TTC27: variants seen among roughly 807,000 people sequenced by gnomAD.
The protein encoded by TTC27 is tetratricopeptide repeat domain 27, also known as tetratricopeptide repeat protein 27.
TTC27 carries 79 observed loss-of-function variants against 115.9 expected under a neutral mutation model. The ratio of observed to expected loss-of-function variants is 0.68; its 90% CI spans 0.57 to 0.82. The LOEUF is 0.82. TTC27 is among the 40% of genes least tolerant of loss of function. The probability of loss-of-function intolerance (pLI) is 0.00; values close to 1 mark genes in which losing one functional copy is unlikely to be tolerated. For missense variants in TTC27, 1,054 were observed against 993.1 expected (o/e 1.06, Z -0.82); for synonymous variants, 401 against 356.0 (o/e 1.13, Z -1.42).
At chr2:32,723,401 C>G (rs1288978577) in intron 10 of TTC27, among the ~76,000 whole-genome samples, 2 of 152,066 alleles carry the variant, frequency 1.3e-5, no homozygotes, top group Non-Finnish European at 2.9e-5. Flanking sequence ...TGATTATGGG[C>G]ATGTTTGGGA....
rs1670052026 is a variant in TTC27 at position 32,777,931 on chromosome 2, A to G, written c.1730A>G (p.Tyr577Cys). The stretch of plus-strand genomic sequence containing the variant: ...TGTGCCTATTTGGCCTTGGAAGACT[A>G]TCAAGGTTCAGCAAAGGCATTTCAG... The part of the protein sequence containing the change: ...LGCAYLALED[Y>C]QGSAKAFQRC... Residue 577 changes from tyrosine (Y) to cysteine (C), a missense_variant, in exon 14 of 20, where the codon TAT becomes TGT. Coordinates refer to ENST00000317907, the MANE Select transcript of TTC27 (RefSeq NM_017735.5). 1.2e-6 allele frequency: 2 copies of G among 1,613,974 alleles called. No individual in the cohort carries two copies. Among genetic ancestry groups the G allele is most frequent in the South Asian group, 1.1e-5 (1 of 91,074 alleles).
intron 10 of TTC27, among the ~76,000 whole-genome samples, chr2:32,708,304 G>GGTTTTTTTTTTTTTTTTTT (rs1667450037): frequency 1.6e-5 from 1 of 61,348 alleles, no homozygotes; most frequent in Non-Finnish European, 3.1e-5. Context: ...TCTCTACCTT[G>GGTTTTTTTTTTTTTTTTTT]TTTTTTTTTT....
At chr2:32,680,564 C>G (rs929160222) in intron 9 of TTC27, among the ~76,000 whole-genome samples, 5 of 151,776 alleles carry the variant, frequency 3.3e-5, no homozygotes. Flanking sequence ...GAACATAGAT[C>G]TGTGTGAAAT....
At chr2:32,688,534 G>A (rs1269779554) in intron 9 of TTC27, among the ~76,000 whole-genome samples, 1 of 152,056 alleles carries the variant, frequency 6.6e-6, no homozygotes, top group East Asian at 1.9e-4. Flanking sequence ...TCTCACAAAA[G>A]ACTTTTACTT....
rs370857601 is a variant in TTC27 at position 32,785,689 on chromosome 2, G to A, written c.1833-1295G>A. Among the ~76,000 whole-genome samples the A allele has an allele frequency of 1.1e-3, 162 of 151,912 alleles. 1 individual carries two copies. Among genetic ancestry groups the A allele is most frequent in the African/African-American group, 3.6e-3 (151 of 41,414 alleles). On this transcript the variant is annotated intron_variant, in intron 15 of 19. Transcript: ENST00000317907. ...CAGCGCACTGCAACCTCCACCTCCCGGGTTCAAGCGACTCTCCTGCCTCAG... is the reference window on the plus strand; with the variant it reads ...CAGCGCACTGCAACCTCCACCTCCCAGGTTCAAGCGACTCTCCTGCCTCAG...
rs138919188 is a variant in TTC27, at chr2:32,707,744, T to C, written c.1233+4824T>C. On this transcript the variant is annotated intron_variant, in intron 10 of 19. Coordinates refer to ENST00000317907, the MANE Select transcript of TTC27 (RefSeq NM_017735.5). Reference sequence around the variant, plus strand: ...ATATTATTCCTTAGGTTTTATATATTCCATAGCTCTGTCCACTGAGAGGGC... The same window carrying C: ...ATATTATTCCTTAGGTTTTATATATCCCATAGCTCTGTCCACTGAGAGGGC... Among the ~76,000 whole-genome samples the C allele has an allele frequency of 3.8e-4, 58 of 152,274 alleles. 3 individuals are homozygous for C. The East Asian group carries it at 0.011, about 28-fold the overall frequency.
At chr2:32,711,854 T>G (rs80200832) in intron 10 of TTC27, among the ~76,000 whole-genome samples, 21,444 of 151,912 alleles carry the variant, frequency 0.14, 1,946 homozygotes, top group Middle Eastern at 0.28. Context: ...GCAGGAGAAT[T>G]GCTTGAACCC....
chr2:32,777,233 T>C (rs1670025613), intron 13 of TTC27, among the ~76,000 whole-genome samples: 1 of 152,252 alleles, frequency 6.6e-6, no homozygotes, highest in Non-Finnish European at 1.5e-5. Context: ...ATTTCTTTTT[T>C]TGAGTTTGTA....
intron 9 of TTC27, among the ~76,000 whole-genome samples, chr2:32,702,066 T>G (rs1296677636): frequency 6.6e-6 from 1 of 151,162 alleles, no homozygotes; most frequent in African/African-American, 2.4e-5. Context: ...GACACCCACA[T>G]CCTGCTCTCA....
intron 16 of TTC27, among the ~76,000 whole-genome samples, chr2:32,796,779 G>T (rs1247852689): frequency 6.6e-6 from 1 of 152,178 alleles, no homozygotes; most frequent in Non-Finnish European, 1.5e-5. Flanking sequence ...TCAAAACAGT[G>T]TGGAACTGGC....
intron 5 of TTC27, among the ~76,000 whole-genome samples, chr2:32,656,112 G>A (rs942142839): frequency 6.6e-6 from 1 of 151,906 alleles, no homozygotes. Context: ...TTTTTAATGA[G>A]GAAATTTTTA....
At chr2:32,692,036 G>GTTTTTTTTTTTGTTTTTTTTT (rs1666831349) in intron 9 of TTC27, among the ~76,000 whole-genome samples, 1 of 61,188 alleles carries the variant, frequency 1.6e-5, no homozygotes, top group Non-Finnish European at 2.9e-5. Context: ...AATTTTTTAG[G>GTTTTTTTTTTTGTTTTTTTTT]TTTTTTTTTT....
chr2:32,715,557 A>G (rs1454565233), intron 10 of TTC27, among the ~76,000 whole-genome samples: 1 of 152,166 alleles, frequency 6.6e-6, no homozygotes, highest in Admixed American at 6.6e-5. Flanking sequence ...AGTTGCATGC[A>G]TGCTTTGAAG....
At chr2:32,692,943 T>A (rs987006688) in intron 9 of TTC27, among the ~76,000 whole-genome samples, 1 of 149,614 alleles carries the variant, frequency 6.7e-6, no homozygotes. Flanking sequence ...ACTACTGTAC[T>A]CCAGCCTGGG....
intron 19 of TTC27, among the ~76,000 whole-genome samples, chr2:32,819,028 T>C (rs1671597789): frequency 6.6e-6 from 1 of 152,218 alleles, no homozygotes; most frequent in Admixed American, 6.5e-5. Flanking sequence ...TTTTTTCCTG[T>C]GACTTTCCTT....
At chr2:32,800,643 A>C (rs1670892092) in intron 16 of TTC27, among the ~76,000 whole-genome samples, 1 of 151,946 alleles carries the variant, frequency 6.6e-6, no homozygotes, top group Admixed American at 6.6e-5. Flanking sequence ...GATTACAGGC[A>C]TGCGCCACTA....
At chr2:32,739,692 C>G (rs879840131) in intron 12 of TTC27, among the ~76,000 whole-genome samples, 1 of 152,070 alleles carries the variant, frequency 6.6e-6, no homozygotes, top group Non-Finnish European at 1.5e-5. Context: ...CCATAAAAGA[C>G]CTCCTTTACC....
At chr2:32,759,235 A>G (rs1669351424) in intron 13 of TTC27, among the ~76,000 whole-genome samples, 3 of 152,220 alleles carry the variant, frequency 2.0e-5, no homozygotes, top group African/African-American at 7.2e-5. Context: ...ATAACTGTCA[A>G]TCATTGCTGT....
intron 16 of TTC27, among the ~76,000 whole-genome samples, chr2:32,787,888 C>T (rs1191857542): frequency 6.6e-6 from 1 of 152,038 alleles, no homozygotes; most frequent in Non-Finnish European, 1.5e-5. Context: ...GTTTTACATC[C>T]CTAGAAAGGG....
Sources: allele counts gnomAD v4.1 joint callset (sites outside exome capture counted in the v4.1 genomes callset), GRCh38; gene constraint gnomAD v4.1.1; transcripts MANE v1.5; gene names NCBI Gene and HGNC (gene_info 2026-07-23, HGNC 2026-07-21).